ANO2: variants seen among roughly 807,000 people sequenced by gnomAD.
ANO2 encodes the protein anoctamin 2.
In ANO2, 101 loss-of-function variants were observed where a neutral mutation model predicts 124.2. That is an observed-to-expected ratio of 0.81 (90% CI 0.69 to 0.96). The LOEUF is 0.96. Ranked by LOEUF, ANO2 falls within the 40% of genes least tolerant of loss-of-function variation. The pLI, the probability that ANO2 is intolerant of heterozygous loss-of-function variation, is 0.00. For synonymous variants in ANO2, 486 were observed against 482.5 expected (o/e 1.01, Z -0.09); for missense variants, 1,293 against 1,274.5 (o/e 1.01, Z -0.22).
chr12:5,786,972 C>T (rs757431813), intron 10 of ANO2, among the ~76,000 whole-genome samples: 41 of 152,130 alleles, frequency 2.7e-4, no homozygotes, highest in Admixed American at 3.3e-4. Flanking sequence ...ATTCACATTC[C>T]CACTAACACA....
chr12:5,841,217 G>A (rs941114565), intron 4 of ANO2, among the ~76,000 whole-genome samples: 2 of 152,272 alleles, frequency 1.3e-5, no homozygotes, highest in East Asian at 3.9e-4. Context: ...CGATCAAAAG[G>A]GAAACAGCGC....
At chr12:5,612,088 G>C (rs1413528602) in intron 19 of ANO2, among the ~76,000 whole-genome samples, 1 of 152,196 alleles carries the variant, frequency 6.6e-6, no homozygotes, top group East Asian at 1.9e-4. Flanking sequence ...TTTAGGTCCA[G>C]TATAAAGTGA....
At chr12:5,692,121 C>T (rs183275133) in intron 14 of ANO2, among the ~76,000 whole-genome samples, 1 of 152,278 alleles carries the variant, frequency 6.6e-6, no homozygotes, top group African/African-American at 2.4e-5. Context: ...GCTCCAGATA[C>T]AGCAGGCAGG....
intron 20 of ANO2, among the ~76,000 whole-genome samples, chr12:5,585,519 C>T (rs1212166439): frequency 6.6e-6 from 1 of 152,206 alleles, no homozygotes; most frequent in Non-Finnish European, 1.5e-5. Flanking sequence ...TCTCCCGTCC[C>T]ACATCAAAGC....
intron 14 of ANO2, among the ~76,000 whole-genome samples, chr12:5,690,830 C>T (rs542866081): frequency 6.6e-6 from 1 of 152,164 alleles, no homozygotes; most frequent in Non-Finnish European, 1.5e-5. Flanking sequence ...AAATGAACAC[C>T]AACAAAAACA....
chr12:5,731,875 G>A (rs1950652429), intron 14 of ANO2, among the ~76,000 whole-genome samples: 1 of 151,994 alleles, frequency 6.6e-6, no homozygotes. Context: ...GCAAATACAG[G>A]CATGTATTTG....
intron 3 of ANO2, among the ~76,000 whole-genome samples, chr12:5,884,201 G>A (rs1348374032): frequency 1.3e-5 from 2 of 152,180 alleles, no homozygotes; most frequent in Non-Finnish European, 2.9e-5. Flanking sequence ...CAGCCACTGT[G>A]GGCAGTGATT....
In ANO2 at chr12:5,852,378, G is replaced by A. The variant is rs1025085953; in HGVS notation, c.633+1665C>T. Among the ~76,000 whole-genome samples the A allele has an allele frequency of 7.2e-5, 11 of 152,234 alleles. No individual in the cohort carries two copies. In the South Asian group the frequency reaches 8.3e-4, roughly 11 times the overall value. ...CTTCAGGCATGTGACCCCCCTCCCCGACACCAAAAATCACCTTTTGTTGGC... is the reference window on the plus strand; with the variant it reads ...CTTCAGGCATGTGACCCCCCTCCCCAACACCAAAAATCACCTTTTGTTGGC... On this transcript the variant is annotated intron_variant, in intron 4 of 24. Coordinates refer to ENST00000682330, the MANE Select transcript of ANO2 (RefSeq NM_001364791.2).
chr12:5,730,008 T>C (rs1592008861), intron 14 of ANO2, among the ~76,000 whole-genome samples: 1 of 152,324 alleles, frequency 6.6e-6, no homozygotes, highest in South Asian at 2.1e-4. Context: ...AACTATTGGG[T>C]ACAGGGTTTC....
At chr12:5,727,163 G>A (rs971016513) in intron 14 of ANO2, among the ~76,000 whole-genome samples, 1 of 152,114 alleles carries the variant, frequency 6.6e-6, no homozygotes, top group South Asian at 2.1e-4. Context: ...GGATCATGGG[G>A]GTGGATCCCT....
chr12:5,767,860 T>TG (rs2137116072), intron 10 of ANO2, among the ~76,000 whole-genome samples: 1 of 152,328 alleles, frequency 6.6e-6, no homozygotes, highest in Admixed American at 6.5e-5. Flanking sequence ...GTCTAGACCC[T>TG]GGAGGCTAAG....
intron 10 of ANO2, 107 bp from the exon 11 acceptor site, chr12:5,751,077 C>T: frequency 2.6e-6 from 3 of 1,137,984 alleles, no homozygotes; most frequent in Non-Finnish European, 3.6e-6. Flanking sequence ...ATATTCATTC[C>T]TCTTGTGACG....
At chr12:5,860,340 A>G (rs1955227594) in intron 3 of ANO2, among the ~76,000 whole-genome samples, 1 of 152,164 alleles carries the variant, frequency 6.6e-6, no homozygotes, top group African/African-American at 2.4e-5. Flanking sequence ...TCATTGTGTC[A>G]CTAAGCATCT....
At chr12:5,834,114 C>T (rs948630528) in intron 4 of ANO2, among the ~76,000 whole-genome samples, 1 of 152,148 alleles carries the variant, frequency 6.6e-6, no homozygotes, top group Non-Finnish European at 1.5e-5. Context: ...CACCAAGTGA[C>T]CCCAGTCAAC....
At position 5,925,782 on chromosome 12, in the gene ANO2, T is replaced by C. The variant is rs1942053095; in HGVS notation, c.23-2978A>G. 6.6e-6 allele frequency among the ~76,000 whole-genome samples: 1 copy of C among 152,228 alleles called. No individual in the cohort carries two copies. The highest frequency in any genetic ancestry group is 1.5e-5 in the Non-Finnish European group (1 of 68,032). On this transcript the variant is annotated intron_variant, in intron 1 of 24. Transcript: ENST00000682330. This position sits in a 1 kb window ranked among gnomAD's most constrained non-coding sequence, Gnocchi z 4.6. ...GATCCTTGGGTGTTCATAACTGCAA[T>C]GCCGTGAGGGTGGGGGCATGGCTTA...
chr12:5,789,163 A>G (rs1168713522), intron 10 of ANO2, among the ~76,000 whole-genome samples: 2 of 152,250 alleles, frequency 1.3e-5, no homozygotes, highest in Non-Finnish European at 2.9e-5. Context: ...TACTCGAGGC[A>G]CCAGCTTGGG....
rs577513540 is a variant in ANO2, at chr12:5,907,777, G to A, written c.534+13263C>T. Among the ~76,000 whole-genome samples the A allele has an allele frequency of 2.0e-4, 31 of 152,284 alleles. No homozygotes were observed. In the South Asian group the frequency reaches 4.1e-3, roughly 20 times the overall value. On this transcript the variant is annotated intron_variant, in intron 3 of 24. Coordinates refer to ENST00000682330, the MANE Select transcript of ANO2 (RefSeq NM_001364791.2). Reference sequence around the variant, plus strand: ...AGATCCCAGATAAGAAAATAGACCCGGCATGGCTAAGAACCTTGCACAAAG... The same window carrying A: ...AGATCCCAGATAAGAAAATAGACCCAGCATGGCTAAGAACCTTGCACAAAG...
At chr12:5,651,657 G>C (rs368229812) in intron 14 of ANO2, among the ~76,000 whole-genome samples, 2 of 152,182 alleles carry the variant, frequency 1.3e-5, no homozygotes, top group South Asian at 4.2e-4. Context: ...TGTAAGTTTT[G>C]ATAAATATAT....
intron 3 of ANO2, among the ~76,000 whole-genome samples, chr12:5,888,543 G>A (rs1939140265): frequency 6.6e-6 from 1 of 152,116 alleles, no homozygotes; most frequent in Non-Finnish European, 1.5e-5. Context: ...ACAGGGTGCT[G>A]ACTGGTGTGT....
Sources: gnomAD v4.1 joint callset for allele counts (sites outside exome capture counted in the v4.1 genomes callset) on GRCh38, gnomAD v4.1.1 for gene constraint, Gnocchi (gnomAD v3.1) non-coding constraint, MANE v1.5 for transcripts, NCBI Gene and HGNC (gene_info 2026-07-23, HGNC 2026-07-21) for gene names.